MTX2: variants seen among roughly 807,000 people sequenced by gnomAD.
The protein encoded by MTX2 is metaxin-2.
In MTX2, 35 loss-of-function variants were observed where a neutral mutation model predicts 42.3. The observed-to-expected ratio is 0.83, with a 90% CI of 0.63 to 1.10. The LOEUF is 1.10. Ranked by LOEUF, MTX2 falls within the 50% of genes least tolerant of loss-of-function variation. The pLI is 0.00. For missense variants in MTX2, 307 were observed against 304.1 expected, an observed-to-expected ratio of 1.01 and a Z score of -0.07; for synonymous variants, 119 against 100.9, an observed-to-expected ratio of 1.18 and a Z score of -1.08.
At chr2:176,305,261 A>G (rs558163744) in intron 3 of MTX2, among the ~76,000 whole-genome samples, 1 of 152,196 alleles carries the variant, frequency 6.6e-6, no homozygotes, top group South Asian at 2.1e-4. Context: ...AGTTCATCCT[A>G]AGAATTTTAA....
intron 2 of MTX2, among the ~76,000 whole-genome samples, chr2:176,297,348 G>A (rs1273148489): frequency 6.6e-6 from 1 of 152,152 alleles, no homozygotes; most frequent in Non-Finnish European, 1.5e-5. Context: ...TTAGCAGCCT[G>A]CTACAGTTGT....
intron 1 of MTX2, among the ~76,000 whole-genome samples, chr2:176,281,790 G>A (rs1402630629): frequency 3.9e-5 from 6 of 152,086 alleles, no homozygotes; most frequent in Admixed American, 3.9e-4. Context: ...GGAGTTGGGG[G>A]TGAGTAGAGT....
intron 1 of MTX2, among the ~76,000 whole-genome samples, chr2:176,294,278 CTTTTTT>C (rs750682515): frequency 1.6e-5 from 2 of 125,318 alleles, no homozygotes; most frequent in East Asian, 2.2e-4. Context: ...GATGAATTAA[CTTTTTT>C]TTTTTTTTTT....
intron 1 of MTX2, among the ~76,000 whole-genome samples, chr2:176,273,351 C>G (rs567606514): frequency 2.0e-5 from 3 of 152,288 alleles, no homozygotes; most frequent in African/African-American, 7.2e-5. Context: ...AAATGTGACT[C>G]AAATCCAGCA....
At chr2:176,296,726 T>A (rs1251755749) in intron 1 of MTX2, 134 bp from the exon 2 acceptor site, 1 of 792,908 alleles carries the variant, frequency 1.3e-6, no homozygotes, top group East Asian at 2.5e-5. Flanking sequence ...GATAGTGTGA[T>A]TAGTTGCCAT....
At chr2:176,278,041 G>GTTTTTT (rs59379339) in intron 1 of MTX2, among the ~76,000 whole-genome samples, 2 of 84,836 alleles carry the variant, frequency 2.4e-5, no homozygotes, top group Non-Finnish European at 4.2e-5. Flanking sequence ...GTTGAAACTG[G>GTTTTTT]TTTTTTTTTT....
At chr2:176,281,132 A>G (rs944320458) in intron 1 of MTX2, among the ~76,000 whole-genome samples, 3 of 151,794 alleles carry the variant, frequency 2.0e-5, no homozygotes, top group Admixed American at 2.0e-4. Flanking sequence ...GTCTCTGTTG[A>G]TTAGATGAAC....
At chr2:176,329,001 C>T (rs1002653776) in intron 7 of MTX2, 89 bp downstream of exon 7, 6 of 1,225,984 alleles carry the variant, frequency 4.9e-6, no homozygotes, top group Non-Finnish European at 7.1e-6. Flanking sequence ...ATAAATGAAA[C>T]ATTGTGGTTT....
chr2:176,286,422 C>T (rs1693203479), intron 1 of MTX2, among the ~76,000 whole-genome samples: 1 of 152,038 alleles, frequency 6.6e-6, no homozygotes, highest in Non-Finnish European at 1.5e-5. Context: ...GGAAGTTCTG[C>T]CTTCCTTTTT....
At chr2:176,326,218 T>G (rs1684701699) in intron 4 of MTX2, among the ~76,000 whole-genome samples, 1 of 151,774 alleles carries the variant, frequency 6.6e-6, no homozygotes, top group Non-Finnish European at 1.5e-5. Flanking sequence ...CTATTATTTT[T>G]TCCCACATGT....
intron 1 of MTX2, among the ~76,000 whole-genome samples, chr2:176,287,474 GGT>G (rs747175936): frequency 6.9e-4 from 105 of 152,112 alleles, no homozygotes; most frequent in Non-Finnish European, 4.1e-4. Flanking sequence ...TTGATTTTTG[GGT>G]TAGGGTTGCT....
Position 176,329,058 on chromosome 2 carries a change from C to T in MTX2, c.417+146C>T, listed in dbSNP as rs148538031. On this transcript the variant is annotated intron_variant, in intron 7 of 9. Coordinates refer to ENST00000249442, the MANE Select transcript of MTX2 (RefSeq NM_006554.5). ...TTCACTTACTTTAATTTTGCTTGCA[C>T]ATAACATTTTAGGGAAGCTATGTGT... 6.9e-5 allele frequency: 61 copies of T among 885,106 alleles called. No homozygotes were observed. In the Admixed American group the frequency reaches 1.2e-3, roughly 17 times the overall value. The allele number at this position is 885,106 out of a possible 1,614,324, so 54.8% of individuals were successfully genotyped here.
chr2:176,304,296 A>C (rs761483592), intron 3 of MTX2: 6 of 154,428 alleles, frequency 3.9e-5, no homozygotes, highest in Non-Finnish European at 8.8e-5. Context: ...GTTATACCAG[A>C]GTACTTCTGC....
At chr2:176,280,706 A>G (rs79543959) in intron 1 of MTX2, among the ~76,000 whole-genome samples, 1,524 of 152,376 alleles carry the variant, frequency 0.01, 5 homozygotes, top group Non-Finnish European at 0.016. Flanking sequence ...GCTGTGGCAC[A>G]TAGACTAAGC....
chr2:176,271,037 G>C (rs1692793526), intron 1 of MTX2, among the ~76,000 whole-genome samples: 1 of 152,008 alleles, frequency 6.6e-6, no homozygotes, highest in African/African-American at 2.4e-5. Flanking sequence ...CCTAATATGT[G>C]ATTTCTTTTA....
intron 3 of MTX2, among the ~76,000 whole-genome samples, chr2:176,306,470 T>C (rs1684146801): frequency 6.6e-6 from 1 of 152,202 alleles, no homozygotes; most frequent in Non-Finnish European, 1.5e-5. Context: ...TTCTAGATCC[T>C]TGAGGAATCG....
At chr2:176,297,764 C>G (rs1683924361) in intron 2 of MTX2, 85 bp from the exon 3 acceptor site, 1 of 831,114 alleles carries the variant, frequency 1.2e-6, no homozygotes, top group Non-Finnish European at 1.8e-6. Context: ...GTAGGCGATA[C>G]CTTTGAATAA....
chr2:176,271,339 G>A (rs571114079), intron 1 of MTX2, among the ~76,000 whole-genome samples: 15 of 152,262 alleles, frequency 9.9e-5, no homozygotes, highest in African/African-American at 3.6e-4. Context: ...TCCTTGGATA[G>A]CAGAAGAGGC....
chr2:176,299,363 TA>T, intron 3 of MTX2, among the ~76,000 whole-genome samples: 1 of 152,182 alleles, frequency 6.6e-6, no homozygotes, highest in South Asian at 2.1e-4. Flanking sequence ...TATTACCATT[TA>T]AAAAAACTAA....
Sources: allele counts gnomAD v4.1 joint callset (sites outside exome capture counted in the v4.1 genomes callset), GRCh38; gene constraint gnomAD v4.1.1; transcripts MANE v1.5; gene names NCBI Gene and HGNC (gene_info 2026-07-23, HGNC 2026-07-21).